CACNA2D4: variants seen among roughly 807,000 people sequenced by gnomAD.
CACNA2D4 encodes calcium voltage-gated channel auxiliary subunit alpha2delta 4.
A neutral mutation model predicts 163.8 loss-of-function variants in CACNA2D4; 157 were observed. The ratio of observed to expected loss-of-function variants is 0.96; its 90% CI spans 0.84 to 1.09. The LOEUF (loss-of-function observed/expected upper bound fraction) is 1.09. Ranked by LOEUF, CACNA2D4 falls within the 50% of genes least tolerant of loss-of-function variation. The probability of loss-of-function intolerance (pLI) is 0.00; values close to 1 mark genes in which losing one functional copy is unlikely to be tolerated. For missense variants in CACNA2D4, 1,410 were observed against 1,479.9 expected, an observed-to-expected ratio of 0.95 and a Z score of 0.78; for synonymous variants, 598 against 586.9, an observed-to-expected ratio of 1.02 and a Z score of -0.27.
At chr12:1,849,443 T>G (rs1386705889) in intron 23 of CACNA2D4, among the ~76,000 whole-genome samples, 1 of 152,248 alleles carries the variant, frequency 6.6e-6, no homozygotes, top group Non-Finnish European at 1.5e-5. Flanking sequence ...CTTAACATTT[T>G]ATTTATTTAG....
At chr12:1,870,149 T>A (rs1442222896) in intron 18 of CACNA2D4, among the ~76,000 whole-genome samples, 1 of 152,168 alleles carries the variant, frequency 6.6e-6, no homozygotes, top group Non-Finnish European at 1.5e-5. Context: ...CTGAGGTGTT[T>A]ACCAAGCCCC....
chr12:1,899,188 A>G (rs1866481639), intron 6 of CACNA2D4, among the ~76,000 whole-genome samples: 1 of 152,146 alleles, frequency 6.6e-6, no homozygotes, highest in Non-Finnish European at 1.5e-5. Context: ...TTCTAGTGGC[A>G]TAGTGTAGAC....
rs756733827 is a variant in CACNA2D4, at chr12:1,882,972, C to T, written c.1380G>A (p.Ala460=). The part of the protein sequence containing the change: ...KGYYTQISTL[A]DTQENVMEYL... Reference sequence around the variant, plus strand: ...ATTCCATCACGTTCTCCTGGGTGTCCGCCAGCGTTGAGATCTGCGTGTAGT... The same window carrying T: ...ATTCCATCACGTTCTCCTGGGTGTCTGCCAGCGTTGAGATCTGCGTGTAGT... The change falls in exon 13 of 38, where the codon GCG becomes GCA. Residue 460 remains alanine, a synonymous_variant. Coordinates refer to ENST00000382722, the MANE Select transcript of CACNA2D4 (RefSeq NM_172364.5). 71 of 1,612,854 alleles carry T rather than the reference C, an allele frequency of 4.4e-5. No homozygotes were observed. The highest frequency in any genetic ancestry group is 1.6e-4 in the Middle Eastern group (1 of 6,084).
intron 1 of CACNA2D4, chr12:1,915,354 A>G (rs1326566082): frequency 3.1e-6 from 2 of 655,166 alleles, no homozygotes; most frequent in Non-Finnish European, 5.5e-6. Flanking sequence ...ACTGAGCTTG[A>G]CCCCAAGCTT....
rs184783414 is a variant in CACNA2D4, at chr12:1,844,920, G to T, written c.2343-391C>A. Among the ~76,000 whole-genome samples the T allele has an allele frequency of 3.7e-4, 57 of 152,252 alleles. 1 individual carries two copies. In the East Asian group the frequency reaches 0.011, roughly 28 times the overall value. Reference sequence around the variant, plus strand: ...AGGAGGGCATCAATCCCCCCAAATGGTTCCTTCAACAGGATTGCCTCTAGG... The same window carrying T: ...AGGAGGGCATCAATCCCCCCAAATGTTTCCTTCAACAGGATTGCCTCTAGG... On this transcript the variant is annotated intron_variant, in intron 24 of 37. Transcript: ENST00000382722. The surrounding 1 kb of genome is among the most constrained non-coding windows in gnomAD (Gnocchi z 4.2).
intron 26 of CACNA2D4, among the ~76,000 whole-genome samples, chr12:1,826,506 C>A (rs1565690206): frequency 6.6e-6 from 1 of 152,092 alleles, no homozygotes; most frequent in Non-Finnish European, 1.5e-5. Flanking sequence ...CTCCTCCACC[C>A]CTCATGCCAG....
In CACNA2D4 at chr12:1,883,945, A is replaced by G. The variant is rs543788945; in HGVS notation, c.1351+298T>C. The G allele has an allele frequency of 7.1e-5, 31 of 434,800 alleles. No homozygotes were observed. In the South Asian group the frequency reaches 1.4e-3, roughly 19 times the overall value. 26.9% of individuals were successfully genotyped at this position (434,800 alleles called of 1,614,324 possible). A position where few individuals can be genotyped will look rare whatever the true frequency, so the allele number is the denominator to read the frequency against. On this transcript the variant is annotated intron_variant, in intron 12 of 37. Transcript: ENST00000382722. The surrounding 1 kb of genome is among the most constrained non-coding windows in gnomAD (Gnocchi z 4.5). ...TCAGAGATAGATGAGGACCATTCAC[A>G]CACAAAACATTATTCCAGAGAAAAC...
chr12:1,904,839 C>CA (rs1239374193), intron 6 of CACNA2D4, among the ~76,000 whole-genome samples: 1 of 151,800 alleles, frequency 6.6e-6, no homozygotes, highest in Non-Finnish European at 1.5e-5. Flanking sequence ...AAATGATGGA[C>CA]AAAAAAGCTT....
In CACNA2D4 at chr12:1,796,471, G is replaced by T. The variant is rs542483180; in HGVS notation, c.3114-691C>A. ...AAGTCACTTGCCCACGGTCATAAGCGGGGGAGCGCAGAGCCAGTTTTCAAT... is the reference window on the plus strand; with the variant it reads ...AAGTCACTTGCCCACGGTCATAAGCTGGGGAGCGCAGAGCCAGTTTTCAAT... On this transcript the variant is annotated intron_variant, in intron 35 of 37. Transcript: ENST00000382722. 8.5e-5 allele frequency among the ~76,000 whole-genome samples: 13 copies of T among 152,366 alleles called. No homozygotes were observed. The South Asian group carries it at 2.7e-3, about 32-fold the overall frequency.
rs533969590 is a variant in CACNA2D4, at chr12:1,802,991, A to T, written c.2722-1347T>A. Among the ~76,000 whole-genome samples, 1 of 152,296 alleles carries T rather than the reference A, an allele frequency of 6.6e-6. No individual in the cohort carries two copies. Among genetic ancestry groups the T allele is most frequent in the Admixed American group, 6.5e-5 (1 of 15,292 alleles). ...CATACTCAGTCAGTGTGGAATGTTG[A>T]TAGGGAAGGGAGGTGGGAACCAAGC... On this transcript the variant is annotated intron_variant, in intron 29 of 37. Coordinates refer to ENST00000382722, the MANE Select transcript of CACNA2D4 (RefSeq NM_172364.5). The surrounding 1 kb of genome is among the most constrained non-coding windows in gnomAD (Gnocchi z 4.7).
In CACNA2D4 at chr12:1,875,542, C is replaced by T. The variant is rs1051415553; in HGVS notation, c.1720-205G>A. On this transcript the variant is annotated intron_variant, in intron 16 of 37. Transcript: ENST00000382722. The surrounding 1 kb of genome is among the most constrained non-coding windows in gnomAD (Gnocchi z 4.0). ...CTGACATCTATGACAGATGGTCTCA[C>T]GGCCTCTGAGTGAATCTTCCCCATG... Among the ~76,000 whole-genome samples, 2 of 152,168 alleles carry T rather than the reference C, an allele frequency of 1.3e-5. No homozygotes were observed. Among genetic ancestry groups the T allele is most frequent in the Admixed American group, 6.5e-5 (1 of 15,276 alleles).
chr12:1,901,936 C>A (rs1023789670), intron 6 of CACNA2D4, among the ~76,000 whole-genome samples: 1 of 152,010 alleles, frequency 6.6e-6, no homozygotes, highest in South Asian at 2.1e-4. Flanking sequence ...AGGCTAATAT[C>A]CCTGAAGAGC....
chr12:1,830,696 C>T (rs1347512326), intron 26 of CACNA2D4, among the ~76,000 whole-genome samples: 1 of 152,186 alleles, frequency 6.6e-6, no homozygotes, highest in Non-Finnish European at 1.5e-5. Context: ...ATTCCTCTGC[C>T]AGATGTGTGG....
chr12:1,851,442 C>A (rs1305465431), intron 23 of CACNA2D4, among the ~76,000 whole-genome samples: 1 of 152,144 alleles, frequency 6.6e-6, no homozygotes, highest in Non-Finnish European at 1.5e-5. Context: ...AAAAATCCAT[C>A]TTTCCTTCAT....
At chr12:1,807,925 A>T (rs986562295) in intron 29 of CACNA2D4, among the ~76,000 whole-genome samples, 14 of 152,170 alleles carry the variant, frequency 9.2e-5, no homozygotes, top group African/African-American at 2.7e-4. Context: ...GGCATATAAA[A>T]CTACACACGG....
chr12:1,795,953 C>T, intron 35 of CACNA2D4, 173 bp from the exon 36 acceptor site: 2 of 611,518 alleles, frequency 3.3e-6, no homozygotes, highest in Non-Finnish European at 5.8e-6. Flanking sequence ...TGGCTCAGTC[C>T]TACTGGCTTT....
At position 1,799,534 on chromosome 12, in the gene CACNA2D4, C is replaced by G; in HGVS notation, c.2995+141G>C. On this transcript the variant is annotated intron_variant, in intron 34 of 37. Coordinates refer to ENST00000382722, the MANE Select transcript of CACNA2D4 (RefSeq NM_172364.5). This position sits in a 1 kb window ranked among gnomAD's most constrained non-coding sequence, Gnocchi z 4.7. ...CTAGACTCCCCAGTCCCCCAACCCC[C>G]AGGAATGGTACTTTAAACCAGGAGA... is the stretch of plus-strand genomic sequence containing the variant. The G allele has an allele frequency of 1.1e-6, 1 of 888,032 alleles. No homozygotes were observed. The highest frequency in any genetic ancestry group is 1.8e-6 in the Non-Finnish European group (1 of 564,866). The allele number at this position is 888,032 out of a possible 1,614,324, so 55.0% of individuals were successfully genotyped here. A position where few individuals can be genotyped will look rare whatever the true frequency, so the allele number is the denominator to read the frequency against.
chr12:1,816,000 G>A (rs1474838118), intron 26 of CACNA2D4, among the ~76,000 whole-genome samples: 1 of 152,132 alleles, frequency 6.6e-6, no homozygotes, highest in African/African-American at 2.4e-5. Flanking sequence ...GTGCCCAACC[G>A]CTTGCATCCC....
In CACNA2D4 at chr12:1,840,713, C is replaced by T. The variant is rs1181927158; in HGVS notation, c.2551+26G>A. The T allele has an allele frequency of 5.0e-6, 8 of 1,602,022 alleles. No homozygotes were observed. The East Asian group carries it at 1.6e-4, about 31-fold the overall frequency. On this transcript the variant is annotated intron_variant, in intron 26 of 37. Transcript: ENST00000382722. Reference sequence around the variant, plus strand: ...TTTACACTGTCCCCAGCTTCCTGGCCTCAACACCACAAGGGCCGTTCCTAC... The same window carrying T: ...TTTACACTGTCCCCAGCTTCCTGGCTTCAACACCACAAGGGCCGTTCCTAC...
Sources: gnomAD v4.1 joint callset for allele counts (sites outside exome capture counted in the v4.1 genomes callset) on GRCh38, gnomAD v4.1.1 for gene constraint, Gnocchi (gnomAD v3.1) non-coding constraint, MANE v1.5 for transcripts, NCBI Gene and HGNC (gene_info 2026-07-23, HGNC 2026-07-21) for gene names.